The following ST8SIA4 variants were observed in gnomAD, a reference collection of about 807,000 sequenced individuals.
The protein encoded by ST8SIA4 is ST8 alpha-N-acetyl-neuraminide alpha-2,8-sialyltransferase 4.
A neutral mutation model predicts 33.9 loss-of-function variants in ST8SIA4; 15 were observed. The ratio of observed to expected loss-of-function variants is 0.44; its 90% CI spans 0.30 to 0.68. The LOEUF is 0.68. Ranked by LOEUF, ST8SIA4 falls within the 30% of genes least tolerant of loss-of-function variation. ST8SIA4 has a pLI of 0.10. For missense variants in ST8SIA4, 321 were observed against 428.0 expected, an observed-to-expected ratio of 0.75 and a Z score of 2.21; for synonymous variants, 171 against 151.2, an observed-to-expected ratio of 1.13 and a Z score of -0.96.
At chr5:100,825,195 C>T (rs1477885213) in intron 4 of ST8SIA4, among the ~76,000 whole-genome samples, 13 of 151,900 alleles carry the variant, frequency 8.6e-5, no homozygotes, top group Admixed American at 8.5e-4. Context: ...TGATTGGGTT[C>T]AAATCATATT....
intron 4 of ST8SIA4, among the ~76,000 whole-genome samples, chr5:100,833,356 C>G (rs188770593): frequency 6.6e-6 from 1 of 152,100 alleles, no homozygotes; most frequent in East Asian, 1.9e-4. Flanking sequence ...AAGTTGGTTT[C>G]TCAAATTATT....
chr5:100,867,677 CA>C (rs1197277501), intron 3 of ST8SIA4, among the ~76,000 whole-genome samples: 1 of 151,754 alleles, frequency 6.6e-6, no homozygotes, highest in African/African-American at 2.4e-5. Flanking sequence ...CTTAAATAAA[CA>C]AAAAAACTTA....
At chr5:100,895,612 A>G (rs766658277) in intron 2 of ST8SIA4, 42 bp downstream of exon 2, 1 of 1,585,512 alleles carries the variant, frequency 6.3e-7, no homozygotes, top group East Asian at 2.3e-5. Context: ...CGTATTTGAG[A>G]ACATGATGTG....
intron 1 of ST8SIA4, among the ~76,000 whole-genome samples, chr5:100,897,219 A>G (rs1752797497): frequency 6.6e-6 from 1 of 152,112 alleles, no homozygotes; most frequent in East Asian, 1.9e-4. Flanking sequence ...CCTCCCTGCA[A>G]CCAATAGTGT....
intron 4 of ST8SIA4, among the ~76,000 whole-genome samples, chr5:100,853,540 A>G (rs1751747556): frequency 6.6e-6 from 1 of 152,188 alleles, no homozygotes; most frequent in South Asian, 2.1e-4. Context: ...AAAAAAGCAT[A>G]CCATTCCTTT....
At chr5:100,864,998 A>C (rs1485772133) in intron 3 of ST8SIA4, among the ~76,000 whole-genome samples, 1 of 152,172 alleles carries the variant, frequency 6.6e-6, no homozygotes, top group Non-Finnish European at 1.5e-5. Context: ...AAAGTGATTT[A>C]TTGGAAAGCT....
At chr5:100,828,671 G>C (rs1424038150) in intron 4 of ST8SIA4, among the ~76,000 whole-genome samples, 1 of 152,152 alleles carries the variant, frequency 6.6e-6, no homozygotes, top group Non-Finnish European at 1.5e-5. Context: ...TTTGCCTCTA[G>C]AAAATTTAGG....
At chr5:100,860,356 C>A (rs1001206168) in intron 3 of ST8SIA4, among the ~76,000 whole-genome samples, 2 of 152,140 alleles carry the variant, frequency 1.3e-5, no homozygotes, top group Non-Finnish European at 1.5e-5. Flanking sequence ...GAAATAGGAA[C>A]CAATGTCTTC....
chr5:100,856,132 C>T lies in ST8SIA4; in HGVS notation c.768G>A (p.Pro256=), dbSNP rs545732586. The part of the protein sequence containing the change: ...KNKLKVRTAY[P]SLRLIHAVRG... ...TGACAGCATGAATAAGTCTCAATGA[C>T]GGATAGGCAGTTCGCACTTTCAGTT... The change falls in exon 4 of 5, where the codon CCG becomes CCA. Residue 256 remains proline (P), a synonymous_variant. Coordinates refer to ENST00000231461, the MANE Select transcript of ST8SIA4 (RefSeq NM_005668.6). The T allele has an allele frequency of 2.0e-5, 32 of 1,613,966 alleles. No individual in the cohort carries two copies. The highest frequency in any genetic ancestry group is 6.7e-5 in the African/African-American group (5 of 75,018).
Position 100,902,721 on chromosome 5 carries a change from C to T in ST8SIA4, c.113+122G>A, listed in dbSNP as rs45470102. The T allele has an allele frequency of 5.8e-3, 4,954 of 850,678 alleles. 22 individuals are homozygous for T. The highest frequency in any genetic ancestry group is 7.7e-3 in the Non-Finnish European group (3,970 of 513,594). 52.7% of individuals were successfully genotyped at this position (850,678 alleles called of 1,614,324 possible). ...AGCCTTTGTTATTTAATTCATGACA[C>T]TAACCACGCGCAAGCTCAAACAAAC... On this transcript the variant is annotated intron_variant, in intron 1 of 4. Transcript: ENST00000231461.
Position 100,874,599 on chromosome 5 carries a change from G to T in ST8SIA4, c.503+11744C>A, listed in dbSNP as rs547518279. 6.5e-4 allele frequency among the ~76,000 whole-genome samples: 99 copies of T among 151,426 alleles called. 1 individual carries two copies. The highest frequency in any genetic ancestry group is 2.2e-3 in the African/African-American group (91 of 41,244). On this transcript the variant is annotated intron_variant, in intron 3 of 4. Transcript: ENST00000231461. ...TTTTTCTTCCTTTTTTTGAGACAGG[G>T]TCTTGCTCTTGTTCTTGCTCTTTTA... is the stretch of plus-strand genomic sequence containing the variant.
intron 3 of ST8SIA4, among the ~76,000 whole-genome samples, chr5:100,864,274 C>G (rs1458649347): frequency 6.6e-6 from 1 of 151,974 alleles, no homozygotes; most frequent in Admixed American, 6.6e-5. Context: ...TGGGACTTCA[C>G]AATATATTTA....
chr5:100,870,984 G>A (rs1752186637), intron 3 of ST8SIA4, among the ~76,000 whole-genome samples: 1 of 152,052 alleles, frequency 6.6e-6, no homozygotes, highest in Non-Finnish European at 1.5e-5. Flanking sequence ...TAAACTATAA[G>A]TGGTTATTCG....
At chr5:100,875,586 A>AT (rs1226913679) in intron 3 of ST8SIA4, among the ~76,000 whole-genome samples, 1 of 152,132 alleles carries the variant, frequency 6.6e-6, no homozygotes, top group Non-Finnish European at 1.5e-5. Context: ...AATTGTAGTG[A>AT]TTATTCCTCA....
chr5:100,878,366 G>A (rs533612725), intron 3 of ST8SIA4, among the ~76,000 whole-genome samples: 1 of 151,932 alleles, frequency 6.6e-6, no homozygotes, highest in Non-Finnish European at 1.5e-5. Flanking sequence ...CAGTAGAGAT[G>A]GGGTTTCTCC....
intron 3 of ST8SIA4, among the ~76,000 whole-genome samples, chr5:100,859,089 C>T (rs1751878142): frequency 6.6e-6 from 1 of 151,996 alleles, no homozygotes; most frequent in Non-Finnish European, 1.5e-5. Context: ...TAAAAGAAAG[C>T]ATTAAAAAAT....
chr5:100,876,276 T>C (rs73162260), intron 3 of ST8SIA4, among the ~76,000 whole-genome samples: 1,774 of 152,144 alleles, frequency 0.012, 30 homozygotes, highest in African/African-American at 0.039. Context: ...GTATTCAGAA[T>C]TCCTATCAAT....
At chr5:100,886,104 C>A in intron 3 of ST8SIA4, 1 of 1,279,684 alleles carries the variant, frequency 7.8e-7, no homozygotes, top group Non-Finnish European at 9.9e-7. Flanking sequence ...CCTCACCTCA[C>A]CAAAAAAAGC....
chr5:100,903,128 G>A lies in ST8SIA4; in HGVS notation c.-173C>T, dbSNP rs963718664. The A allele has an allele frequency of 8.9e-5, 53 of 595,664 alleles. No individual in the cohort carries two copies. The Middle Eastern group carries it at 1.3e-3, about 15-fold the overall frequency. The allele number at this position is 595,664 out of a possible 1,614,324, so 36.9% of individuals were successfully genotyped here. A position where few individuals can be genotyped will look rare whatever the true frequency, so the allele number is the denominator to read the frequency against. ...GTCTTCTGTGGCCGAGCTCCCTCTG[G>A]TCCTCGAACGCTGCCCAGCGACCTC... On this transcript the variant is annotated 5_prime_UTR_variant, in exon 1 of 5. Transcript: ENST00000231461.
Sources: gnomAD v4.1 joint callset for allele counts (sites outside exome capture counted in the v4.1 genomes callset) on GRCh38, gnomAD v4.1.1 for gene constraint, MANE v1.5 for transcripts, NCBI Gene and HGNC (gene_info 2026-07-23, HGNC 2026-07-21) for gene names.